Variants in PBX1 observed in about 807,000 individuals in gnomAD.
PBX1 encodes the protein pre-B-cell leukemia transcription factor 1.
Under a neutral mutation model 53.4 loss-of-function variants are expected in PBX1, and 6 were observed. The ratio of observed to expected loss-of-function variants is 0.11; its 90% CI spans 0.06 to 0.22. The LOEUF (loss-of-function observed/expected upper bound fraction) is 0.22, where lower values mean the gene tolerates loss of function less well. Among genes scored for constraint, PBX1 ranks in the 10% least tolerant of loss-of-function variants. The pLI is 1.00. For missense variants in PBX1, 251 were observed against 551.4 expected (o/e 0.46, Z 5.46); for synonymous variants, 204 against 212.3 (o/e 0.96, Z 0.34).
intron 2 of PBX1, among the ~76,000 whole-genome samples, chr1:164,866,943 A>T (rs1300192209): frequency 6.6e-6 from 1 of 152,182 alleles, no homozygotes; most frequent in African/African-American, 2.4e-5. Context: ...GTGGCTGTTG[A>T]TGGTTTTCAG....
chr1:164,691,516 T>C (rs896192445), intron 2 of PBX1, among the ~76,000 whole-genome samples: 9 of 152,322 alleles, frequency 5.9e-5, no homozygotes, highest in African/African-American at 2.2e-4. Context: ...CACTTCCAGT[T>C]GCCAAGCAAG....
intron 2 of PBX1, among the ~76,000 whole-genome samples, chr1:164,730,718 C>G (rs572923495): frequency 6.6e-6 from 1 of 152,114 alleles, no homozygotes; most frequent in South Asian, 2.1e-4. Flanking sequence ...TACTGCTTTG[C>G]GTAAGTTTAA....
intron 2 of PBX1, among the ~76,000 whole-genome samples, chr1:164,613,624 C>G (rs893323559): frequency 1.3e-5 from 2 of 152,184 alleles, no homozygotes; most frequent in Non-Finnish European, 2.9e-5. Flanking sequence ...CCAGAGCTCT[C>G]CCACGCTGAA....
chr1:164,560,389 C>T (rs1169729974), intron 1 of PBX1: 1 of 395,162 alleles, frequency 2.5e-6, no homozygotes, highest in Non-Finnish European at 4.5e-6. Flanking sequence ...TTTTGAACAG[C>T]ATTCCATGCC....
chr1:164,759,795 G>A (rs1017118851), intron 2 of PBX1, among the ~76,000 whole-genome samples: 5 of 152,128 alleles, frequency 3.3e-5, no homozygotes, highest in Admixed American at 1.3e-4. Flanking sequence ...TACTCTTTGG[G>A]GCACTCTCAG....
chr1:164,880,590 A>G (rs186604815), intron 2 of PBX1, among the ~76,000 whole-genome samples: 137 of 152,290 alleles, frequency 9.0e-4, no homozygotes, highest in Non-Finnish European at 1.6e-3. Flanking sequence ...TCTTGGTTGT[A>G]TATTTTATCT....
chr1:164,728,399 G>A (rs1348049831), intron 2 of PBX1, among the ~76,000 whole-genome samples: 1 of 151,906 alleles, frequency 6.6e-6, no homozygotes, highest in Non-Finnish European at 1.5e-5. Flanking sequence ...AAGTGAGCAA[G>A]AAGCCCACAA....
chr1:164,771,950 AC>A (rs2102248516), intron 2 of PBX1, among the ~76,000 whole-genome samples: 1 of 152,292 alleles, frequency 6.6e-6, no homozygotes, highest in South Asian at 2.1e-4. Context: ...GAATGTAGAA[AC>A]CGAGATCTTT....
intron 2 of PBX1, among the ~76,000 whole-genome samples, chr1:164,699,627 G>A (rs1662996590): frequency 6.6e-6 from 1 of 152,146 alleles, no homozygotes. Flanking sequence ...AGGGGGAGGT[G>A]GTCAGGGGAT....
chr1:164,590,050 GTAATAA>G (rs1422385161), intron 2 of PBX1, among the ~76,000 whole-genome samples: 4 of 149,114 alleles, frequency 2.7e-5, no homozygotes, highest in African/African-American at 7.7e-5. Flanking sequence ...TCTACAAATA[GTAATAA>G]TAATAAGACA....
At chr1:164,653,059 GT>G (rs1003745823) in intron 2 of PBX1, among the ~76,000 whole-genome samples, 2 of 151,830 alleles carry the variant, frequency 1.3e-5, no homozygotes, top group Admixed American at 1.3e-4. Context: ...TAGAGATGGA[GT>G]TTTGCCATGT....
rs1557885817 is a variant in PBX1 at position 164,603,928 on chromosome 1, C to CTTTTTTTTTTTTTTTTTT, written c.265+40617_265+40618insTTTTTTTTTTTTTTTTTT. ...AGACACTCTGTACATTATGTCATTT[C>CTTTTTTTTTTTTTTTTTT]ATTTTTTTTTTTTTTTTTTTTTTTT... is the stretch of plus-strand genomic sequence containing the variant. On this transcript the variant is annotated intron_variant, in intron 2 of 8. Transcript: ENST00000420696. Among the ~76,000 whole-genome samples, 3 of 48,734 alleles carry CTTTTTTTTTTTTTTTTTT rather than the reference C, an allele frequency of 6.2e-5. 1 individual carries two copies. Among genetic ancestry groups the CTTTTTTTTTTTTTTTTTT allele is most frequent in the Non-Finnish European group, 7.3e-5 (2 of 27,334 alleles). The allele number at this position is 48,734 out of a possible 152,430, so 32.0% of individuals were successfully genotyped here.
Position 164,847,148 on chromosome 1 carries a change from G to T in PBX1, c.*472G>T. ...CTATGTTAACAGGCAATCCTTCTCT[G>T]TTTCTCTTATTACTCTCACTACCTC... On this transcript the variant is annotated 3_prime_UTR_variant, in exon 9 of 9. Transcript: ENST00000420696. The T allele has an allele frequency of 1.8e-6, 2 of 1,087,518 alleles. No individual in the cohort carries two copies. The highest frequency in any genetic ancestry group is 2.2e-6 in the Non-Finnish European group (2 of 890,412). The allele number at this position is 1,087,518 out of a possible 1,614,324, so 67.4% of individuals were successfully genotyped here.
intron 2 of PBX1, among the ~76,000 whole-genome samples, chr1:164,738,888 C>G (rs1665438233): frequency 6.6e-6 from 1 of 152,190 alleles, no homozygotes; most frequent in Admixed American, 6.5e-5. Flanking sequence ...TGGGCCACAC[C>G]TTTTCCAAGA....
intron 2 of PBX1, among the ~76,000 whole-genome samples, chr1:164,564,493 T>C (rs1653292944): frequency 6.6e-6 from 1 of 152,180 alleles, no homozygotes; most frequent in Non-Finnish European, 1.5e-5. Context: ...AAGATGTGAC[T>C]GTTGAATGAA....
intron 2 of PBX1, among the ~76,000 whole-genome samples, chr1:164,699,268 G>A (rs977014588): frequency 1.1e-4 from 17 of 152,082 alleles, no homozygotes; most frequent in Admixed American, 3.3e-4. Context: ...GATTACTATC[G>A]AAAATGATGA....
rs565428860 is a variant in PBX1 at position 164,712,481 on chromosome 1, C to G, written c.266-80013C>G. ...GAGAGATAGGCCAAAATAAGCAGAT[C>G]TGTGAGCACAGGAGCCCAATCGAGT... On this transcript the variant is annotated intron_variant, in intron 2 of 8. Transcript: ENST00000420696. Among the ~76,000 whole-genome samples the G allele has an allele frequency of 1.8e-4, 27 of 152,320 alleles. No homozygotes were observed. The South Asian group carries it at 5.4e-3, about 30-fold the overall frequency.
intron 4 of PBX1, among the ~76,000 whole-genome samples, chr1:164,801,837 A>G (rs1228408333): frequency 6.6e-6 from 1 of 152,194 alleles, no homozygotes; most frequent in African/African-American, 2.4e-5. Flanking sequence ...AAAGAACATG[A>G]CCCCAAATTC....
intron 2 of PBX1, among the ~76,000 whole-genome samples, chr1:164,662,483 C>T (rs762825278): frequency 6.6e-6 from 1 of 152,118 alleles, no homozygotes; most frequent in Non-Finnish European, 1.5e-5. Flanking sequence ...GCATTGCAAC[C>T]AGTACCAAGC....
Sources: allele counts gnomAD v4.1 joint callset (sites outside exome capture counted in the v4.1 genomes callset), GRCh38; gene constraint gnomAD v4.1.1; transcripts MANE v1.5; gene names NCBI Gene and HGNC (gene_info 2026-07-23, HGNC 2026-07-21).